Variants in RASAL2 observed in about 807,000 individuals in gnomAD.
The protein encoded by RASAL2 is RAS protein activator like 2, also known as ras GTPase-activating protein nGAP.
A neutral mutation model predicts 128.9 loss-of-function variants in RASAL2; 58 were observed. That is an observed-to-expected ratio of 0.45 (90% CI 0.36 to 0.56). The LOEUF (loss-of-function observed/expected upper bound fraction) is 0.56, where lower values mean the gene tolerates loss of function less well. Among genes scored for constraint, RASAL2 ranks in the 20% least tolerant of loss-of-function variants. The pLI is 0.00. For synonymous variants in RASAL2, 561 were observed against 580.8 expected, an observed-to-expected ratio of 0.97 and a Z score of 0.49; for missense variants, 1,360 against 1,601.6, an observed-to-expected ratio of 0.85 and a Z score of 2.57.
chr1:178,388,346 C>T (rs1379629283), intron 3 of RASAL2, among the ~76,000 whole-genome samples: 2 of 152,152 alleles, frequency 1.3e-5, no homozygotes, highest in Non-Finnish European at 2.9e-5. Flanking sequence ...TTGTGCCATT[C>T]CCATGAATCT....
At chr1:178,193,475 A>G (rs971284044) in intron 1 of RASAL2, among the ~76,000 whole-genome samples, 5 of 152,184 alleles carry the variant, frequency 3.3e-5, no homozygotes, top group African/African-American at 1.2e-4. Flanking sequence ...AGCACTTTTG[A>G]AAAACTGAGG....
intron 3 of RASAL2, among the ~76,000 whole-genome samples, chr1:178,348,805 G>GTTT (rs35150239): frequency 3.6e-5 from 5 of 140,684 alleles, no homozygotes; most frequent in African/African-American, 1.0e-4. Context: ...TTTCTTTTTG[G>GTTT]TTTTTTTTTT....
chr1:178,328,736 G>A (rs1197501281), intron 3 of RASAL2, among the ~76,000 whole-genome samples: 1 of 152,194 alleles, frequency 6.6e-6, no homozygotes, highest in African/African-American at 2.4e-5. Flanking sequence ...ATAGAGAAGA[G>A]TACTGATGCC....
In RASAL2 at chr1:178,259,005, A is replaced by G. The variant is rs562978325; in HGVS notation, c.203-24559A>G. Among the ~76,000 whole-genome samples, 23 of 152,150 alleles carry G rather than the reference A, an allele frequency of 1.5e-4. No homozygotes were observed. In the South Asian group the frequency reaches 3.1e-3, roughly 21 times the overall value. ...TTAAGTGAAAGACCACACATATTAT[A>G]TGATTCCATTCATATGAAGTATCCA... On this transcript the variant is annotated intron_variant, in intron 1 of 17. Transcript: ENST00000367649.
chr1:178,439,852 A>C (rs758727374), intron 6 of RASAL2, among the ~76,000 whole-genome samples: 26 of 152,100 alleles, frequency 1.7e-4, no homozygotes, highest in Non-Finnish European at 3.5e-4. Context: ...CAAGACTAAC[A>C]ATAACATTAC....
At chr1:178,461,958 A>G (rs1678230833) in intron 14 of RASAL2, among the ~76,000 whole-genome samples, 1 of 152,246 alleles carries the variant, frequency 6.6e-6, no homozygotes, top group African/African-American at 2.4e-5. Flanking sequence ...CTTTTGCCCT[A>G]AAGCGTTACT....
chr1:178,434,739 G>C (rs905372632), intron 5 of RASAL2, among the ~76,000 whole-genome samples: 3 of 151,548 alleles, frequency 2.0e-5, no homozygotes, highest in Non-Finnish European at 2.9e-5. Context: ...TCTGGCGAAT[G>C]AGCTCTAATT....
intron 1 of RASAL2, among the ~76,000 whole-genome samples, chr1:178,249,409 T>G (rs1408096065): frequency 6.6e-6 from 1 of 152,070 alleles, no homozygotes; most frequent in East Asian, 1.9e-4. Context: ...TATGTTCTTC[T>G]CTAAACTGGT....
Position 178,273,316 on chromosome 1 carries a change from T to G in RASAL2, c.203-10248T>G, listed in dbSNP as rs142604460. 2.0e-4 allele frequency among the ~76,000 whole-genome samples: 30 copies of G among 152,352 alleles called. No homozygotes were observed. The East Asian group carries it at 5.0e-3, about 25-fold the overall frequency. ...GTCCTCTTGTACTGTGTGTATGACT[T>G]TTATAAAGAAAATTATGATAATGGT... On this transcript the variant is annotated intron_variant, in intron 1 of 17. Transcript: ENST00000367649.
intron 1 of RASAL2, among the ~76,000 whole-genome samples, chr1:178,164,481 T>TTGTGTGTGTGTGTG (rs35942778): frequency 6.9e-6 from 1 of 144,996 alleles, no homozygotes. Flanking sequence ...TAATTAGCAT[T>TTGTGTGTGTGTGTG]TGTGTGTGTG....
At chr1:178,228,676 A>G (rs1390502981) in intron 1 of RASAL2, among the ~76,000 whole-genome samples, 1 of 152,244 alleles carries the variant, frequency 6.6e-6, no homozygotes, top group Non-Finnish European at 1.5e-5. Flanking sequence ...ACCTCTTGGT[A>G]TAAGACTCAT....
intron 1 of RASAL2, among the ~76,000 whole-genome samples, chr1:178,228,741 C>T (rs1423129837): frequency 6.6e-6 from 1 of 152,066 alleles, no homozygotes; most frequent in Non-Finnish European, 1.5e-5. Context: ...AAATTCTATT[C>T]CCAGTTTGCA....
intron 1 of RASAL2, among the ~76,000 whole-genome samples, chr1:178,224,143 A>G (rs1428333451): frequency 6.6e-6 from 1 of 152,118 alleles, no homozygotes; most frequent in African/African-American, 2.4e-5. Flanking sequence ...AAGTCTCCCA[A>G]CACTTAGAGA....
intron 4 of RASAL2, among the ~76,000 whole-genome samples, chr1:178,392,893 T>C (rs994585967): frequency 2.6e-5 from 4 of 152,174 alleles, no homozygotes; most frequent in Non-Finnish European, 5.9e-5. Context: ...AAAAAACCTT[T>C]GTATGCCTTC....
intron 3 of RASAL2, among the ~76,000 whole-genome samples, chr1:178,373,430 CT>C (rs1671831562): frequency 6.6e-6 from 1 of 151,728 alleles, no homozygotes; most frequent in Non-Finnish European, 1.5e-5. Flanking sequence ...CCTCTTAAGC[CT>C]TCGTTTCTCT....
chr1:178,320,686 A>C (rs559476458), intron 3 of RASAL2, among the ~76,000 whole-genome samples: 1 of 151,976 alleles, frequency 6.6e-6, no homozygotes, highest in African/African-American at 2.4e-5. Flanking sequence ...ACCTGCGCCC[A>C]CTGTCTGGCA....
rs1219579725 is a variant in RASAL2 at position 178,412,074 on chromosome 1, A to G, written c.565-8437A>G. On this transcript the variant is annotated intron_variant, in intron 4 of 17. Coordinates refer to ENST00000367649, the MANE Select transcript of RASAL2 (RefSeq NM_170692.4). ...TTGCCATCATGTGAAAAAAAAAAAAAGAGTAGGTGGCTGAAGGGGAGGATA... is the reference window on the plus strand; with the variant it reads ...TTGCCATCATGTGAAAAAAAAAAAAGGAGTAGGTGGCTGAAGGGGAGGATA... The G allele has an allele frequency of 2.3e-5, 8 of 349,258 alleles. No homozygotes were observed. The East Asian group carries it at 3.9e-4, about 17-fold the overall frequency. The allele number at this position is 349,258 out of a possible 1,614,324, so 21.6% of individuals were successfully genotyped here. A position where few individuals can be genotyped will look rare whatever the true frequency, so the allele number is the denominator to read the frequency against.
At chr1:178,302,932 G>A (rs745580381) in intron 3 of RASAL2, among the ~76,000 whole-genome samples, 1 of 152,010 alleles carries the variant, frequency 6.6e-6, no homozygotes, top group Admixed American at 6.6e-5. Flanking sequence ...CAGGAGAATC[G>A]CTTGAACCCA....
At chr1:178,113,784 A>G (rs1022387544) in intron 1 of RASAL2, among the ~76,000 whole-genome samples, 10 of 152,260 alleles carry the variant, frequency 6.6e-5, no homozygotes, top group African/African-American at 1.4e-4. Context: ...GAGAGTTACT[A>G]TCTTAACAAT....
Sources: gnomAD v4.1 joint callset for allele counts (sites outside exome capture counted in the v4.1 genomes callset) on GRCh38, gnomAD v4.1.1 for gene constraint, MANE v1.5 for transcripts, NCBI Gene and HGNC (gene_info 2026-07-23, HGNC 2026-07-21) for gene names.